The following RIMBP2 variants were observed in gnomAD, a reference collection of about 807,000 sequenced individuals.
RIMBP2 encodes RIMS-binding protein 2.
A neutral mutation model predicts 118.6 loss-of-function variants in RIMBP2; 48 were observed. That is an observed-to-expected ratio of 0.40 (90% CI 0.32 to 0.51). RIMBP2 has a LOEUF of 0.51. Among genes scored for constraint, RIMBP2 ranks in the 20% least tolerant of loss-of-function variants. The pLI is 0.41. For missense variants in RIMBP2, 1,551 were observed against 1,768.3 expected (o/e 0.88, Z 2.20); for synonymous variants, 762 against 742.9 (o/e 1.03, Z -0.42).
intron 3 of RIMBP2, among the ~76,000 whole-genome samples, chr12:130,516,699 G>C (rs2051499755): frequency 6.6e-6 from 1 of 152,178 alleles, no homozygotes; most frequent in Non-Finnish European, 1.5e-5. Flanking sequence ...GACAAGCTTA[G>C]GGATCCAAGG....
chr12:130,496,062 G>C (rs1363315497), intron 4 of RIMBP2, among the ~76,000 whole-genome samples: 2 of 152,200 alleles, frequency 1.3e-5, no homozygotes, highest in Non-Finnish European at 2.9e-5. Context: ...CCACGGCAGA[G>C]AGTACGTCCG....
intron 2 of RIMBP2, among the ~76,000 whole-genome samples, chr12:130,627,351 A>G (rs12426238): frequency 0.13 from 20,104 of 152,304 alleles, 1,587 homozygotes; most frequent in Non-Finnish European, 0.18. Flanking sequence ...AACAGAAAGC[A>G]GCTGTTATTC....
Position 130,683,777 on chromosome 12 carries a change from G to A in RIMBP2, c.-352+32445C>T, listed in dbSNP as rs1227968310. ...GCAATGTCAGGAAGTTACCCTATAT[G>A]GTCTAGAAAGGGGAGGTAAGAATAA... is the stretch of plus-strand genomic sequence containing the variant. On this transcript the variant is annotated intron_variant, in intron 1 of 22. Coordinates refer to ENST00000690449, the MANE Select transcript of RIMBP2 (RefSeq NM_001393629.1). The surrounding 1 kb of genome is among the most constrained non-coding windows in gnomAD (Gnocchi z 4.4). 1.3e-5 allele frequency among the ~76,000 whole-genome samples: 2 copies of A among 152,108 alleles called. No homozygotes were observed. Among genetic ancestry groups the A allele is most frequent in the African/African-American group, 2.4e-5 (1 of 41,408 alleles).
chr12:130,645,965 G>A (rs1429175758), intron 1 of RIMBP2, among the ~76,000 whole-genome samples: 1 of 152,064 alleles, frequency 6.6e-6, no homozygotes, highest in African/African-American at 2.4e-5. Context: ...TGCTTTTAAA[G>A]AAGGAAAGAA....
At chr12:130,634,207 G>A (rs1367104687) in intron 1 of RIMBP2, among the ~76,000 whole-genome samples, 1 of 152,164 alleles carries the variant, frequency 6.6e-6, no homozygotes, top group East Asian at 1.9e-4. Flanking sequence ...GGAGATGCAT[G>A]ACACAGAATT....
intron 1 of RIMBP2, among the ~76,000 whole-genome samples, chr12:130,636,375 C>T (rs1007113891): frequency 2.0e-5 from 3 of 152,138 alleles, no homozygotes; most frequent in Non-Finnish European, 4.4e-5. Context: ...TGGAGATTGG[C>T]GGTTGTATGT....
chr12:130,493,228 G>A (rs141812920), intron 4 of RIMBP2, among the ~76,000 whole-genome samples: 1 of 152,302 alleles, frequency 6.6e-6, no homozygotes, highest in Admixed American at 6.5e-5. Context: ...TCTGCCACTC[G>A]ATTTGGCTTC....
At chr12:130,655,800 A>G (rs996185409) in intron 1 of RIMBP2, among the ~76,000 whole-genome samples, 3 of 152,236 alleles carry the variant, frequency 2.0e-5, no homozygotes, top group African/African-American at 7.2e-5. Flanking sequence ...TCTTGAAGCC[A>G]GCCAGAATGA....
chr12:130,685,476 G>A (rs1344998943), intron 1 of RIMBP2, among the ~76,000 whole-genome samples: 1 of 152,174 alleles, frequency 6.6e-6, no homozygotes, highest in Non-Finnish European at 1.5e-5. Context: ...CTGGGCAGGC[G>A]CCGTTGCCCT....
intron 21 of RIMBP2, among the ~76,000 whole-genome samples, chr12:130,401,835 C>G (rs1248510104): frequency 2.0e-5 from 3 of 152,084 alleles, no homozygotes; most frequent in Admixed American, 2.0e-4. Context: ...TCTGGCTGAG[C>G]ACCAGATGGA....
chr12:130,483,373 C>T (rs2082193472), intron 4 of RIMBP2, among the ~76,000 whole-genome samples: 1 of 152,138 alleles, frequency 6.6e-6, no homozygotes, highest in Non-Finnish European at 1.5e-5. Flanking sequence ...AATGCACGCA[C>T]CTACTATGCA....
chr12:130,440,063 C>T (rs1380218629), intron 11 of RIMBP2, among the ~76,000 whole-genome samples: 1 of 151,636 alleles, frequency 6.6e-6, no homozygotes, highest in Non-Finnish European at 1.5e-5. Flanking sequence ...CCACCATCCC[C>T]GGGCATGGCT....
At chr12:130,532,837 ATG>A in intron 2 of RIMBP2, among the ~76,000 whole-genome samples, 1 of 150,498 alleles carries the variant, frequency 6.6e-6, no homozygotes, top group Non-Finnish European at 1.5e-5. Flanking sequence ...GTCTAATGAG[ATG>A]CGTGTGTTTA....
At chr12:130,646,124 TGCCTCTC>T (rs2062897843) in intron 1 of RIMBP2, among the ~76,000 whole-genome samples, 1 of 111,096 alleles carries the variant, frequency 9.0e-6, no homozygotes, top group African/African-American at 3.3e-5. Flanking sequence ...CCTCACCACC[TGCCTCTC>T]CACCTCCCTC....
chr12:130,423,069 T>TAG (rs2076518407), intron 16 of RIMBP2, among the ~76,000 whole-genome samples: 1 of 152,368 alleles, frequency 6.6e-6, no homozygotes, highest in Admixed American at 6.5e-5. Flanking sequence ...CTCAACATTC[T>TAG]ACTCCTAATC....
rs557242793 is a variant in RIMBP2 at position 130,496,298 on chromosome 12, T to C, written c.-4+10350A>G. Among the ~76,000 whole-genome samples, 4 of 152,280 alleles carry C rather than the reference T, an allele frequency of 2.6e-5. No individual in the cohort carries two copies. The South Asian group carries it at 6.2e-4, about 24-fold the overall frequency. On this transcript the variant is annotated intron_variant, in intron 4 of 22. Transcript: ENST00000690449. ...TTGATTCTCATTCCCTTCTCTTCTC[T>C]TGCCTGCTCCCACGTGACACATGAC...
intron 6 of RIMBP2, among the ~76,000 whole-genome samples, chr12:130,458,210 C>A (rs1471897145): frequency 1.3e-5 from 2 of 152,098 alleles, no homozygotes; most frequent in Non-Finnish European, 1.5e-5. Flanking sequence ...ATAAACCTAA[C>A]AAATCCAAAG....
intron 1 of RIMBP2, among the ~76,000 whole-genome samples, chr12:130,705,957 G>A (rs1056964131): frequency 2.6e-5 from 4 of 152,242 alleles, no homozygotes; most frequent in Non-Finnish European, 5.9e-5. Context: ...CTGCTCATGA[G>A]AAAGGAAAAA....
chr12:130,701,818 C>G (rs967563662), intron 1 of RIMBP2, among the ~76,000 whole-genome samples: 1 of 152,080 alleles, frequency 6.6e-6, no homozygotes, highest in African/African-American at 2.4e-5. Context: ...ACCTGACAAC[C>G]TGCCTTAAAA....
Sources: gnomAD v4.1 joint callset for allele counts (sites outside exome capture counted in the v4.1 genomes callset) on GRCh38, gnomAD v4.1.1 for gene constraint, Gnocchi (gnomAD v3.1) non-coding constraint, MANE v1.5 for transcripts, NCBI Gene and HGNC (gene_info 2026-07-23, HGNC 2026-07-21) for gene names.